Variants in ROR2 observed in about 807,000 individuals in gnomAD.
ROR2 encodes ROR family WNT receptor 2, also known as tyrosine-protein kinase transmembrane receptor ROR2.
Under a neutral mutation model 74.9 loss-of-function variants are expected in ROR2, and 33 were observed. The observed-to-expected ratio is 0.44, with a 90% confidence interval of 0.33 to 0.59. The LOEUF is 0.59. Among genes scored for constraint, ROR2 ranks in the 20% least tolerant of loss-of-function variants. The pLI is 0.02. For synonymous variants in ROR2, 586 were observed against 558.7 expected (o/e 1.05, Z -0.69); for missense variants, 1,216 against 1,313.8 (o/e 0.93, Z 1.15).
At chr9:91,859,762 T>G (rs1164255899) in intron 1 of ROR2, among the ~76,000 whole-genome samples, 1 of 152,106 alleles carries the variant, frequency 6.6e-6, no homozygotes, top group African/African-American at 2.4e-5. Context: ...GAGGCAGAGC[T>G]TGCAGTGAGC....
At chr9:91,909,856 T>TTTG (rs1830924601) in intron 1 of ROR2, among the ~76,000 whole-genome samples, 1 of 125,406 alleles carries the variant, frequency 8.0e-6, no homozygotes, top group South Asian at 2.8e-4. Flanking sequence ...TGTTTTTTTT[T>TTTG]TTTTTTTTTT....
rs1836850950 is a variant in ROR2 at position 91,722,972 on chromosome 9, CA to C, written c.*689del. 1.0e-5 allele frequency: 2 copies of C among 195,344 alleles called. No homozygotes were observed. Among genetic ancestry groups the C allele is most frequent in the East Asian group, 1.2e-4 (1 of 8,550 alleles). The allele number at this position is 195,344 out of a possible 1,614,324, so 12.1% of individuals were successfully genotyped here. The stretch of plus-strand genomic sequence containing the variant: ...CAAGAAACACTTTCCCTTGAATTCC[CA>C]AAAAAAGTGGGCAAAATACACATGG... On this transcript the variant is annotated 3_prime_UTR_variant, in exon 9 of 9. Transcript: ENST00000375708.
At chr9:91,779,132 G>C (rs912826556) in intron 1 of ROR2, among the ~76,000 whole-genome samples, 1 of 152,020 alleles carries the variant, frequency 6.6e-6, no homozygotes, top group Non-Finnish European at 1.5e-5. Flanking sequence ...TAATGCACCC[G>C]TATTATGGGG....
At position 91,766,074 on chromosome 9, in the gene ROR2, G is replaced by A. The variant is rs537904695; in HGVS notation, c.176-8515C>T. Among the ~76,000 whole-genome samples the A allele has an allele frequency of 6.6e-5, 10 of 152,128 alleles. No individual in the cohort carries two copies. The South Asian group carries it at 1.2e-3, about 19-fold the overall frequency. ...TCTCAAGTGTAGCATTTATGTTCCC[G>A]AGCCTATTCTGACATTAAAGCCCTG... On this transcript the variant is annotated intron_variant, in intron 2 of 8. Coordinates refer to ENST00000375708, the MANE Select transcript of ROR2 (RefSeq NM_004560.4).
At chr9:91,937,307 G>GA in intron 1 of ROR2, among the ~76,000 whole-genome samples, 1 of 152,224 alleles carries the variant, frequency 6.6e-6, no homozygotes, top group East Asian at 1.9e-4. Flanking sequence ...GCTCAAAATG[G>GA]AATGTGGATC....
chr9:91,771,722 T>TTCTCTCTC (rs34716594), intron 2 of ROR2, among the ~76,000 whole-genome samples: 9,249 of 150,838 alleles, frequency 0.061, 506 homozygotes, highest in Admixed American at 0.16. Flanking sequence ...CCTCTCTCTC[T>TTCTCTCTC]TCTCTCTCTC....
chr9:91,931,259 T>C (rs561679997), intron 1 of ROR2, among the ~76,000 whole-genome samples: 3 of 152,354 alleles, frequency 2.0e-5, no homozygotes, highest in African/African-American at 7.2e-5. Context: ...ATGGCAACGA[T>C]GTACCAGGCA....
intron 1 of ROR2, among the ~76,000 whole-genome samples, chr9:91,866,154 C>G (rs1829625445): frequency 6.6e-6 from 1 of 152,160 alleles, no homozygotes; most frequent in African/African-American, 2.4e-5. Context: ...GAGTCTCGCT[C>G]TGTCACCCAG....
chr9:91,839,300 A>T (rs1414672599), intron 1 of ROR2, among the ~76,000 whole-genome samples: 1 of 131,948 alleles, frequency 7.6e-6, no homozygotes, highest in Non-Finnish European at 1.6e-5. Context: ...GTGTGTAAGT[A>T]CAGGCATGTG....
At chr9:91,830,809 C>CGTGTGTGT (rs34963566) in intron 1 of ROR2, among the ~76,000 whole-genome samples, 2,937 of 139,636 alleles carry the variant, frequency 0.021, 47 homozygotes, top group Middle Eastern at 0.036. Flanking sequence ...TAACTGTGTC[C>CGTGTGTGT]GTGTGTGTGT....
chr9:91,827,699 A>C (rs1309911377), intron 1 of ROR2, among the ~76,000 whole-genome samples: 3 of 152,222 alleles, frequency 2.0e-5, no homozygotes. Context: ...GATCGGTCCA[A>C]TGTACAGATC....
At chr9:91,929,449 A>C (rs1181417867) in intron 1 of ROR2, among the ~76,000 whole-genome samples, 2 of 152,228 alleles carry the variant, frequency 1.3e-5, no homozygotes, top group African/African-American at 2.4e-5. Flanking sequence ...AAGTGCATCA[A>C]GGTGTAACCC....
At chr9:91,804,651 C>T (rs1410919343) in intron 1 of ROR2, among the ~76,000 whole-genome samples, 1 of 152,214 alleles carries the variant, frequency 6.6e-6, no homozygotes, top group Non-Finnish European at 1.5e-5. Context: ...CTCCTGCCGG[C>T]TCCTGCCCAG....
At chr9:91,747,483 G>A (rs1172830095) in intron 4 of ROR2, among the ~76,000 whole-genome samples, 4 of 152,198 alleles carry the variant, frequency 2.6e-5, no homozygotes, top group Admixed American at 1.3e-4. Context: ...TTGCTGTCAC[G>A]CTGCACACAG....
At chr9:91,835,138 C>G (rs1383486653) in intron 1 of ROR2, among the ~76,000 whole-genome samples, 1 of 150,090 alleles carries the variant, frequency 6.7e-6, no homozygotes, top group Admixed American at 6.6e-5. Context: ...TCTTCATGTG[C>G]TGCCCCCTTG....
At chr9:91,786,743 G>A (rs748742502) in intron 1 of ROR2, among the ~76,000 whole-genome samples, 1 of 152,182 alleles carries the variant, frequency 6.6e-6, no homozygotes, top group South Asian at 2.1e-4. Flanking sequence ...GGAGGGGTAG[G>A]GAAGGTGGCA....
intron 1 of ROR2, among the ~76,000 whole-genome samples, chr9:91,823,035 T>A (rs1161315686): frequency 6.6e-6 from 1 of 152,152 alleles, no homozygotes; most frequent in African/African-American, 2.4e-5. Context: ...ACAGTTAATG[T>A]CACAAAGGTA....
At chr9:91,848,885 G>A (rs1260540531) in intron 1 of ROR2, among the ~76,000 whole-genome samples, 1 of 152,122 alleles carries the variant, frequency 6.6e-6, no homozygotes, top group African/African-American at 2.4e-5. Context: ...CATACAAAGG[G>A]GAGATACACA....
intron 1 of ROR2, among the ~76,000 whole-genome samples, chr9:91,892,837 GC>G (rs1830455608): frequency 6.6e-6 from 1 of 151,960 alleles, no homozygotes; most frequent in African/African-American, 2.4e-5. Flanking sequence ...TGATCCACCC[GC>G]CTCAGCCTCC....
Sources: gnomAD v4.1 joint callset for allele counts (sites outside exome capture counted in the v4.1 genomes callset) on GRCh38, gnomAD v4.1.1 for gene constraint, MANE v1.5 for transcripts, NCBI Gene and HGNC (gene_info 2026-07-23, HGNC 2026-07-21) for gene names.